MRC2: variants seen among roughly 807,000 people sequenced by gnomAD.
MRC2 encodes C-type mannose receptor 2.
MRC2 carries 84 observed loss-of-function variants against 206.2 expected under a neutral mutation model. The ratio of observed to expected loss-of-function variants is 0.41; its 90% CI spans 0.34 to 0.49. The LOEUF is 0.49. Ranked by LOEUF, MRC2 falls within the 20% of genes least tolerant of loss-of-function variation. The pLI, the probability that MRC2 is intolerant of heterozygous loss-of-function variation, is 0.31. For synonymous variants in MRC2, 798 were observed against 800.0 expected (o/e 1.00, Z 0.04); for missense variants, 1,676 against 2,001.5 (o/e 0.84, Z 3.10).
rs369340661 is a variant in MRC2, at chr17:62,635,438, A to G, written c.118+7518A>G. Among the ~76,000 whole-genome samples the G allele has an allele frequency of 7.2e-5, 11 of 152,168 alleles. No individual in the cohort carries two copies. In the East Asian group the frequency reaches 1.4e-3, roughly 19 times the overall value. On this transcript the variant is annotated intron_variant, in intron 1 of 29. Transcript: ENST00000303375. ...CTATTTAACCTTCATTTAGGGAAGGATAAGGAGCTTCCTGGGACTCTGGAA... is the reference window on the plus strand; with the variant it reads ...CTATTTAACCTTCATTTAGGGAAGGGTAAGGAGCTTCCTGGGACTCTGGAA...
chr17:62,665,943 G>C lies in MRC2; in HGVS notation c.521-151G>C, dbSNP rs1263215567. On this transcript the variant is annotated intron_variant, in intron 2 of 29. Coordinates refer to ENST00000303375, the MANE Select transcript of MRC2 (RefSeq NM_006039.5). ...ACTCAACAGCAGAAGAAGCCTTAAAGCCACTATGGGGTGCCATTGCCTCTC... is the reference window on the plus strand; with the variant it reads ...ACTCAACAGCAGAAGAAGCCTTAAACCCACTATGGGGTGCCATTGCCTCTC... The C allele has an allele frequency of 1.5e-5, 11 of 745,786 alleles. No homozygotes were observed. The Admixed American group carries it at 2.7e-4, about 19-fold the overall frequency. The allele number at this position is 745,786 out of a possible 1,614,324, so 46.2% of individuals were successfully genotyped here.
At chr17:62,635,189 CTCTTTTT>C (rs1218654803) in intron 1 of MRC2, among the ~76,000 whole-genome samples, 1 of 114,564 alleles carries the variant, frequency 8.7e-6, no homozygotes, top group African/African-American at 4.1e-5. Flanking sequence ...TGCTATTTTT[CTCTTTTT>C]TTTTTTTTTT....
chr17:62,655,642 C>G (rs1341862038), intron 1 of MRC2, among the ~76,000 whole-genome samples: 3 of 150,740 alleles, frequency 2.0e-5, no homozygotes, highest in Non-Finnish European at 4.4e-5. Context: ...TCACTTGAGC[C>G]CAGGAATTCA....
rs1440206809 is a variant in MRC2, at chr17:62,667,557, G to C, written c.1117+24G>C. ...AGGTGAGCCAGGGACTGTGCCGCAG[G>C]GTGGGGAGGGGCTCCCAGGGCCAGG... On this transcript the variant is annotated intron_variant, in intron 6 of 29. Coordinates refer to ENST00000303375, the MANE Select transcript of MRC2 (RefSeq NM_006039.5). This position sits in a 1 kb window ranked among gnomAD's most constrained non-coding sequence, Gnocchi z 4.1. 1 of 1,586,086 alleles carries C rather than the reference G, an allele frequency of 6.3e-7. No individual in the cohort carries two copies. Among genetic ancestry groups the C allele is most frequent in the Non-Finnish European group, 8.5e-7 (1 of 1,172,376 alleles).
chr17:62,691,296 G>A (rs1404521170), intron 28 of MRC2, among the ~76,000 whole-genome samples, 168 bp downstream of exon 28: 1 of 152,196 alleles, frequency 6.6e-6, no homozygotes, highest in Non-Finnish European at 1.5e-5. Context: ...TCAGTGGGAT[G>A]GACTGGACCT....
Position 62,672,203 on chromosome 17 carries a change from C to T in MRC2, c.1461+51C>T, listed in dbSNP as rs778347608. ...GGGCCACAAAATACACCCCCAACCT[C>T]CAGGTGCCACCCCAGCTGAAGGACA... On this transcript the variant is annotated intron_variant, in intron 8 of 29. Coordinates refer to ENST00000303375, the MANE Select transcript of MRC2 (RefSeq NM_006039.5). This position sits in a 1 kb window ranked among gnomAD's most constrained non-coding sequence, Gnocchi z 4.5. 3.4e-5 allele frequency: 54 copies of T among 1,604,268 alleles called. No homozygotes were observed. Among genetic ancestry groups the T allele is most frequent in the Non-Finnish European group, 4.4e-5 (52 of 1,172,552 alleles).
chr17:62,664,939 G>C lies in MRC2; in HGVS notation c.510G>C (p.Leu170=), dbSNP rs1194524922. Reference sequence around the variant, plus strand: ...GCAGCGAGGAGGACCTATGTGCTCTGCCCTACCACGGTGAGGGGCCGCTTG... The same window carrying C: ...GCAGCGAGGAGGACCTATGTGCTCTCCCCTACCACGGTGAGGGGCCGCTTG... ...IYGSEEDLCA[L]PYHEVYTIQG... is the part of the protein sequence containing the mutation. Residue 170 remains leucine (L), a synonymous_variant, in exon 2 of 30, where the codon CTG becomes CTC. Coordinates refer to ENST00000303375, the MANE Select transcript of MRC2 (RefSeq NM_006039.5). The surrounding 1 kb of genome is among the most constrained non-coding windows in gnomAD (Gnocchi z 4.7). 3.7e-6 allele frequency: 6 copies of C among 1,603,890 alleles called. No homozygotes were observed. The highest frequency in any genetic ancestry group is 2.7e-5 in the African/African-American group (2 of 74,872).
chr17:62,646,707 G>A (rs1243224770), intron 1 of MRC2, among the ~76,000 whole-genome samples: 1 of 152,172 alleles, frequency 6.6e-6, no homozygotes, highest in African/African-American at 2.4e-5. Context: ...TGGTTTACTT[G>A]TTTGCTCACC....
At chr17:62,670,320 T>C (rs544520919) in intron 6 of MRC2, among the ~76,000 whole-genome samples, 4 of 152,178 alleles carry the variant, frequency 2.6e-5, no homozygotes, top group Non-Finnish European at 5.9e-5. Context: ...TAAAATCCGC[T>C]TGTCTGGGGC....
chr17:62,638,185 A>AT (rs2088350583), intron 1 of MRC2, among the ~76,000 whole-genome samples: 1 of 151,200 alleles, frequency 6.6e-6, no homozygotes, highest in Admixed American at 6.6e-5. Flanking sequence ...TTTAGTAAAT[A>AT]TTTGTTGAAA....
chr17:62,635,353 T>G (rs983375719), intron 1 of MRC2, among the ~76,000 whole-genome samples: 10 of 152,076 alleles, frequency 6.6e-5, no homozygotes, highest in Non-Finnish European at 1.3e-4. Context: ...TCCTACCCCC[T>G]AAAGCCCCTC....
intron 12 of MRC2, among the ~76,000 whole-genome samples, chr17:62,677,708 T>C (rs1361071809): frequency 6.6e-6 from 1 of 152,174 alleles, no homozygotes; most frequent in African/African-American, 2.4e-5. Flanking sequence ...GGTTCCCAAA[T>C]GTTGGGGCCA....
At chr17:62,635,727 A>G (rs1284378105) in intron 1 of MRC2, among the ~76,000 whole-genome samples, 2 of 151,814 alleles carry the variant, frequency 1.3e-5, no homozygotes, top group Non-Finnish European at 2.9e-5. Context: ...GGGAGGAGAG[A>G]CTGCTTGAGG....
At chr17:62,689,222 T>G in intron 23 of MRC2, 1 of 586,004 alleles carries the variant, frequency 1.7e-6, no homozygotes, top group Non-Finnish European at 3.0e-6. Context: ...CTGGCACGTG[T>G]GGCGTCAAGG....
Position 62,680,866 on chromosome 17 carries a change from C to T in MRC2, c.2540C>T (p.Ala847Val), listed in dbSNP as rs1260446244. The change falls in exon 17 of 30, where the codon GCG (alanine) becomes GTG (valine). Residue 847 changes from alanine (A) to valine (V), a missense_variant. This residue lies in a region of MRC2 where 1,354 missense variants were observed against 1,636.6 expected (regional missense o/e 0.83). Coordinates refer to ENST00000303375, the MANE Select transcript of MRC2 (RefSeq NM_006039.5). This position sits in a 1 kb window ranked among gnomAD's most constrained non-coding sequence, Gnocchi z 4.8. ...TTCTTTGAGCACCACTCCACGTGGG[C>T]GCAGGCGCAGCGCATCTGCACGTGG... Reference protein sequence around the residue: ...YKFFEHHSTWAQAQRICTWFQ... With the variant: ...YKFFEHHSTWVQAQRICTWFQ... The T allele has an allele frequency of 6.2e-7, 1 of 1,612,956 alleles. No individual in the cohort carries two copies. The highest frequency in any genetic ancestry group is 8.5e-7 in the Non-Finnish European group (1 of 1,179,932).
chr17:62,682,566 G>A (rs376667705), intron 20 of MRC2, among the ~76,000 whole-genome samples, 189 bp downstream of exon 20: 1 of 152,084 alleles, frequency 6.6e-6, no homozygotes, highest in Non-Finnish European at 1.5e-5. Context: ...CACTGTAGTA[G>A]CACCTTCCAA....
At chr17:62,640,810 G>C (rs1043910040) in intron 1 of MRC2, among the ~76,000 whole-genome samples, 5 of 151,240 alleles carry the variant, frequency 3.3e-5, no homozygotes, top group Non-Finnish European at 7.4e-5. Context: ...TCAGCCTCCT[G>C]AGTAGCTGGG....
intron 13 of MRC2, 168 bp from the exon 14 acceptor site, chr17:62,679,632 C>T (rs1287367216): frequency 3.5e-6 from 2 of 572,576 alleles, no homozygotes; most frequent in Non-Finnish European, 6.1e-6. Flanking sequence ...AGAACTTTAC[C>T]GAAGTGACCT....
intron 1 of MRC2, among the ~76,000 whole-genome samples, chr17:62,629,249 G>C (rs1010350358): frequency 3.3e-5 from 5 of 152,222 alleles, no homozygotes; most frequent in Admixed American, 1.3e-4. Flanking sequence ...GCGGTGGGAA[G>C]GGGTGGGGAG....
Sources: allele counts gnomAD v4.1 joint callset (sites outside exome capture counted in the v4.1 genomes callset), GRCh38; gene constraint gnomAD v4.1.1; regional missense constraint gnomAD v4.1.1; non-coding constraint Gnocchi (gnomAD v3.1); transcripts MANE v1.5; gene names NCBI Gene and HGNC (gene_info 2026-07-23, HGNC 2026-07-21).